Variants in SH3BP1 observed in about 807,000 individuals in gnomAD.
SH3BP1 encodes the protein SH3 domain binding protein 1, also known as SH3 domain-binding protein 1.
SH3BP1 carries 46 observed loss-of-function variants against 69.8 expected under a neutral mutation model. The observed-to-expected ratio is 0.66, with a 90% CI of 0.52 to 0.84. The LOEUF (loss-of-function observed/expected upper bound fraction) is 0.84, where lower values mean the gene tolerates loss of function less well. Ranked by LOEUF, SH3BP1 falls within the 40% of genes least tolerant of loss-of-function variation. SH3BP1 has a pLI of 0.00. For synonymous variants in SH3BP1, 403 were observed against 378.0 expected (o/e 1.07, Z -0.77); for missense variants, 868 against 930.9 (o/e 0.93, Z 0.88).
chr22:37,643,191 C>T lies in SH3BP1; in HGVS notation c.473+17C>T, dbSNP rs202114508. 107 of 1,595,124 alleles carry T rather than the reference C, an allele frequency of 6.7e-5. 1 individual carries two copies. In the East Asian group the frequency reaches 1.2e-3, roughly 17 times the overall value. The stretch of plus-strand genomic sequence containing the variant: ...CAAGAGCAGGTGGGAGCCCCAGCCG[C>T]TCAGGGGGCTCATATCTGGGTCAGC... On this transcript the variant is annotated intron_variant, in intron 6 of 17. Coordinates refer to ENST00000649765, the MANE Select transcript of SH3BP1 (RefSeq NM_018957.6).
chr22:37,648,514 G>C, intron 14 of SH3BP1, 79 bp downstream of exon 14: 1 of 1,009,448 alleles, frequency 9.9e-7, no homozygotes, highest in Non-Finnish European at 1.5e-6. Context: ...TTTTTCCCCG[G>C]GGCCTTGGTG....
chr22:37,644,535 G>A (rs529526589), intron 7 of SH3BP1, 102 bp from the exon 8 acceptor site: 56 of 1,127,870 alleles, frequency 5.0e-5, no homozygotes, highest in Non-Finnish European at 7.0e-5. Context: ...TCCACCTGCA[G>A]TTGTGTGGCC....
intron 8 of SH3BP1, 36 bp downstream of exon 8, chr22:37,644,741 C>T: frequency 6.2e-7 from 1 of 1,612,622 alleles, no homozygotes; most frequent in Non-Finnish European, 8.5e-7. Flanking sequence ...ATCCAGAGTT[C>T]AGGGGCTGAA....
intron 14 of SH3BP1, 49 bp from the exon 15 acceptor site, chr22:37,650,103 A>T (rs371204383): frequency 1.5e-5 from 24 of 1,596,444 alleles, no homozygotes; most frequent in African/African-American, 2.7e-5. Context: ...CCAGCCAGAG[A>T]GTTGGGGTCA....
chr22:37,644,742 A>T (rs751338295), intron 8 of SH3BP1, 37 bp downstream of exon 8: 1 of 1,612,166 alleles, frequency 6.2e-7, no homozygotes, highest in Non-Finnish European at 8.5e-7. Flanking sequence ...TCCAGAGTTC[A>T]GGGGCTGAAT....
intron 17 of SH3BP1, 37 bp from the exon 18 acceptor site, chr22:37,655,235 G>A: frequency 6.6e-7 from 1 of 1,510,052 alleles, no homozygotes; most frequent in Non-Finnish European, 8.9e-7. Context: ...AGGCCACGTG[G>A]ACACTCAGCC....
At chr22:37,653,963 C>A in intron 17 of SH3BP1, 90 bp downstream of exon 17, 1 of 899,072 alleles carries the variant, frequency 1.1e-6, no homozygotes, top group Non-Finnish European at 1.7e-6. Flanking sequence ...TTTTAGGCAG[C>A]CAGGGGAGGC....
chr22:37,649,881 C>T (rs924205381), intron 14 of SH3BP1: 3 of 562,778 alleles, frequency 5.3e-6, no homozygotes, highest in Non-Finnish European at 9.8e-6. Flanking sequence ...GATTTCCTCC[C>T]ACGTGCTGAT....
At chr22:37,642,861 G>A (rs768944217) in intron 4 of SH3BP1, 34 bp from the exon 5 acceptor site, 21 of 1,603,514 alleles carry the variant, frequency 1.3e-5, no homozygotes, top group Middle Eastern at 1.7e-4. Flanking sequence ...TGAGGGCAGC[G>A]GGCGCCTGGA....
At chr22:37,650,897 A>G (rs1601588880) in intron 16 of SH3BP1, 172 bp downstream of exon 16, 2 of 808,210 alleles carry the variant, frequency 2.5e-6, no homozygotes, top group Non-Finnish European at 3.7e-6. Flanking sequence ...TCAGAGGCGG[A>G]ATTTGTCTCA....
intron 7 of SH3BP1, 53 bp from the exon 8 acceptor site, chr22:37,644,584 C>T: frequency 2.5e-6 from 4 of 1,577,018 alleles, no homozygotes; most frequent in African/African-American, 1.3e-5. Context: ...TCCTCTTCCC[C>T]TCTAGACCCC....
chr22:37,644,103 G>A (rs1481516432), intron 7 of SH3BP1, among the ~76,000 whole-genome samples: 6 of 152,244 alleles, frequency 3.9e-5, no homozygotes, highest in Non-Finnish European at 8.8e-5. Flanking sequence ...TGCAAGGCCA[G>A]GCGCGGTGGC....
rs867882050 is a variant in SH3BP1, at chr22:37,646,920, G to A, written c.1027G>A (p.Ala343Thr). 3.9e-6 allele frequency: 6 copies of A among 1,539,312 alleles called. No homozygotes were observed. Among genetic ancestry groups the A allele is most frequent in the Non-Finnish European group, 5.2e-6 (6 of 1,145,558 alleles). ...GGAGGAGTTCTGCTCCGACCCGCACGCTGTGGCAGGTGCCTGATCCGGGGA... is the reference window on the plus strand; with the variant it reads ...GGAGGAGTTCTGCTCCGACCCGCACACTGTGGCAGGTGCCTGATCCGGGGA... ...SLEEFCSDPH[A>T]VAGALKSYLR... Residue 343 changes from alanine to threonine, a missense_variant, in exon 11 of 18, where the codon GCT becomes ACT. This residue lies in a region of SH3BP1 where 387 missense variants were observed against 447.9 expected (regional missense o/e 0.86). Transcript: ENST00000649765.
intron 17 of SH3BP1, among the ~76,000 whole-genome samples, chr22:37,654,843 C>T (rs1932972244): frequency 1.3e-5 from 2 of 152,160 alleles, no homozygotes; most frequent in African/African-American, 4.8e-5. Context: ...GGGACAGTGG[C>T]TTACACCTGT....
At chr22:37,655,056 G>A (rs952580336) in intron 17 of SH3BP1, among the ~76,000 whole-genome samples, 1 of 151,844 alleles carries the variant, frequency 6.6e-6, no homozygotes, top group African/African-American at 2.4e-5. Flanking sequence ...CTGGGGTGGG[G>A]CATGGGGTGG....
intron 11 of SH3BP1, 144 bp downstream of exon 11, chr22:37,647,073 GA>G: frequency 2.7e-6 from 2 of 733,546 alleles, no homozygotes; most frequent in Non-Finnish European, 4.4e-6. Flanking sequence ...GGTCCATCAT[GA>G]GCCCCCCGAA....
Position 37,643,059 on chromosome 22 carries a change from C to T in SH3BP1, c.397-39C>T, listed in dbSNP as rs545453667. On this transcript the variant is annotated intron_variant, in intron 5 of 17. Coordinates refer to ENST00000649765, the MANE Select transcript of SH3BP1 (RefSeq NM_018957.6). The stretch of plus-strand genomic sequence containing the variant: ...CAGCTTCCCCAGCTTCTGGCTCCCT[C>T]CTCCCCCAGCACACTGACCCCCCCA... 2.2e-4 allele frequency: 359 copies of T among 1,606,828 alleles called. 10 individuals are homozygous for T. In the South Asian group the frequency reaches 3.8e-3, roughly 17 times the overall value.
At chr22:37,640,242 A>C in intron 1 of SH3BP1, 1 of 170,466 alleles carries the variant, frequency 5.9e-6, no homozygotes, top group East Asian at 1.7e-4. Flanking sequence ...AGGAGGGTCG[A>C]TTAGGGCCAC....
At chr22:37,648,252 C>T in intron 13 of SH3BP1, 67 bp from the exon 14 acceptor site, 1 of 1,124,200 alleles carries the variant, frequency 8.9e-7, no homozygotes. Context: ...CTTTGGAAAC[C>T]CTGGGCTGGA....
Sources: allele counts gnomAD v4.1 joint callset (sites outside exome capture counted in the v4.1 genomes callset), GRCh38; gene constraint gnomAD v4.1.1; regional missense constraint gnomAD v4.1.1; transcripts MANE v1.5; gene names NCBI Gene and HGNC (gene_info 2026-07-23, HGNC 2026-07-21).